The following LZTS1 variants were observed in gnomAD, a reference collection of about 807,000 sequenced individuals.
LZTS1 encodes leucine zipper tumor suppressor 1, also known as leucine zipper putative tumor suppressor 1.
Under a neutral mutation model 45.8 loss-of-function variants are expected in LZTS1, and 31 were observed. The ratio of observed to expected loss-of-function variants is 0.68; its 90% CI spans 0.51 to 0.91. The LOEUF (loss-of-function observed/expected upper bound fraction) is 0.91, where lower values mean the gene tolerates loss of function less well. Among genes scored for constraint, LZTS1 ranks in the 40% least tolerant of loss-of-function variants. The pLI is 0.00. For synonymous variants in LZTS1, 359 were observed against 357.3 expected (o/e 1.00, Z -0.05); for missense variants, 821 against 788.9 (o/e 1.04, Z -0.49).
At chr8:20,282,955 T>TGAATA (rs146467589) in intron 1 of LZTS1, among the ~76,000 whole-genome samples, 1,642 of 152,240 alleles carry the variant, frequency 0.011, 28 homozygotes, top group African/African-American at 0.037. Context: ...TAGAATTCTT[T>TGAATA]GAATAGAATA....
At chr8:20,287,980 G>T (rs1249631352) in intron 1 of LZTS1, among the ~76,000 whole-genome samples, 2 of 146,420 alleles carry the variant, frequency 1.4e-5, no homozygotes, top group African/African-American at 5.0e-5. Context: ...CCACCCCCAA[G>T]CAGAGGGTGG....
At chr8:20,265,328 C>A (rs530583268) in intron 1 of LZTS1, among the ~76,000 whole-genome samples, 1 of 152,236 alleles carries the variant, frequency 6.6e-6, no homozygotes, top group South Asian at 2.1e-4. Context: ...TGGCAGGCAT[C>A]GTGTTGACTG....
chr8:20,251,112 TATATATATATATATATA>T (rs1472174675), intron 3 of LZTS1, among the ~76,000 whole-genome samples: 6,448 of 88,712 alleles, frequency 0.073, 808 homozygotes, highest in African/African-American at 0.25. Context: ...TATATATATA[TATATATATATATATATA>T]TATATATATA....
Position 20,255,042 on chromosome 8 carries a change from G to A in LZTS1, c.140C>T (p.Ser47Phe). 1 of 1,614,184 alleles carries A rather than the reference G, an allele frequency of 6.2e-7. No individual in the cohort carries two copies. ...GGACTTGCCGTGACCGGAGTCCTGG[G>A]AGAAGCCAAACCTCAGCAGCCCGTC... ...YSDGLLRFGF[S>F]QDSGHGKSSS... Residue 47 changes from serine to phenylalanine, a missense_variant, in exon 2 of 4, where the codon TCC becomes TTC. Ser to Phe is a radical substitution (Grantham distance 155). Coordinates refer to ENST00000381569, the MANE Select transcript of LZTS1 (RefSeq NM_021020.5).
intron 1 of LZTS1, among the ~76,000 whole-genome samples, chr8:20,301,732 C>A (rs1328647421): frequency 1.3e-5 from 2 of 152,062 alleles, no homozygotes; most frequent in African/African-American, 4.8e-5. Flanking sequence ...AAAGCATTGG[C>A]TTTCCCCAGG....
At chr8:20,250,413 C>T (rs2128891206) in intron 3 of LZTS1, 50 bp from the exon 4 acceptor site, 2 of 1,512,516 alleles carry the variant, frequency 1.3e-6, no homozygotes, top group Non-Finnish European at 1.8e-6. Context: ...GTGTCCTTAC[C>T]CAGGGAAGTG....
chr8:20,280,991 C>A (rs1055789936), intron 1 of LZTS1, among the ~76,000 whole-genome samples: 1 of 152,210 alleles, frequency 6.6e-6, no homozygotes. Context: ...TCAAATCATT[C>A]CCCAGGGCCT....
intron 3 of LZTS1, among the ~76,000 whole-genome samples, chr8:20,252,408 C>T (rs1254102784): frequency 1.3e-5 from 2 of 152,220 alleles, no homozygotes; most frequent in South Asian, 2.1e-4. Flanking sequence ...CTCTTGGGCC[C>T]CTGGCCCCGC....
intron 1 of LZTS1, among the ~76,000 whole-genome samples, chr8:20,276,675 A>T (rs1376960377): frequency 6.6e-6 from 1 of 152,234 alleles, no homozygotes; most frequent in Non-Finnish European, 1.5e-5. Flanking sequence ...GGCTGGGGTC[A>T]TGGGAACTCC....
rs920864617 is a variant in LZTS1 at position 20,263,190 on chromosome 8, C to T, written c.-134-7875G>A. Among the ~76,000 whole-genome samples the T allele has an allele frequency of 1.2e-4, 19 of 152,200 alleles. 1 individual carries two copies. Among genetic ancestry groups the T allele is most frequent in the African/African-American group, 3.9e-4 (16 of 41,436 alleles). On this transcript the variant is annotated intron_variant, in intron 1 of 3. Transcript: ENST00000381569. The stretch of plus-strand genomic sequence containing the variant: ...GGCCTGGCCACAGAGGTCTTAGTGC[C>T]ACTGCCTACCCCACGACCGCCTTGA...
intron 1 of LZTS1, among the ~76,000 whole-genome samples, chr8:20,278,585 C>G (rs34623692): frequency 6.6e-6 from 1 of 152,212 alleles, no homozygotes; most frequent in Non-Finnish European, 1.5e-5. Context: ...CACTCCTGCT[C>G]TAAAACTTGC....
At chr8:20,286,920 G>A (rs905579826) in intron 1 of LZTS1, among the ~76,000 whole-genome samples, 2 of 152,200 alleles carry the variant, frequency 1.3e-5, no homozygotes, top group Non-Finnish European at 1.5e-5. Flanking sequence ...GTGTCAGGAT[G>A]GGGAGCAGCA....
chr8:20,263,732 CG>C (rs1173198237), intron 1 of LZTS1, among the ~76,000 whole-genome samples: 2 of 151,954 alleles, frequency 1.3e-5, no homozygotes, highest in African/African-American at 4.8e-5. Flanking sequence ...AAGTGGGGCG[CG>C]GGGTGGAAGA....
chr8:20,303,415 C>T (rs1022901639), intron 1 of LZTS1, among the ~76,000 whole-genome samples: 1 of 152,200 alleles, frequency 6.6e-6, no homozygotes, highest in African/African-American at 2.4e-5. Context: ...TGTCACCTAA[C>T]ACTGACGTCC....
chr8:20,276,245 ATTT>A (rs67555163), intron 1 of LZTS1, among the ~76,000 whole-genome samples: 29,924 of 145,718 alleles, frequency 0.21, 3,136 homozygotes, highest in Middle Eastern at 0.31. Flanking sequence ...CTCCAGAGTG[ATTT>A]TTTTTTTTTT....
At chr8:20,271,677 G>A (rs183737152) in intron 1 of LZTS1, among the ~76,000 whole-genome samples, 29 of 152,246 alleles carry the variant, frequency 1.9e-4, no homozygotes, top group African/African-American at 5.3e-4. Flanking sequence ...CCCTGACCGC[G>A]GCTGCTTCAC....
chr8:20,283,101 A>G (rs1800726029), intron 1 of LZTS1, among the ~76,000 whole-genome samples: 1 of 152,172 alleles, frequency 6.6e-6, no homozygotes, highest in African/African-American at 2.4e-5. Flanking sequence ...TGATCTCCCC[A>G]GTGGCTTCAC....
At chr8:20,295,746 C>A (rs541079352) in intron 1 of LZTS1, among the ~76,000 whole-genome samples, 13 of 152,274 alleles carry the variant, frequency 8.5e-5, no homozygotes, top group African/African-American at 3.1e-4. Context: ...CCCTTCTCTT[C>A]CCATGGCTAA....
chr8:20,286,746 C>T (rs1243784251), intron 1 of LZTS1, among the ~76,000 whole-genome samples: 1 of 152,196 alleles, frequency 6.6e-6, no homozygotes, highest in African/African-American at 2.4e-5. Context: ...TGCCTATGCA[C>T]AGTAGAATGA....
Sources: gnomAD v4.1 joint callset for allele counts (sites outside exome capture counted in the v4.1 genomes callset) on GRCh38, gnomAD v4.1.1 for gene constraint, MANE v1.5 for transcripts, NCBI Gene and HGNC (gene_info 2026-07-23, HGNC 2026-07-21) for gene names.